Variants in POLE observed in about 807,000 individuals in gnomAD.
The protein encoded by POLE is DNA polymerase epsilon catalytic subunit A.
In POLE, 188 loss-of-function variants were observed where a neutral mutation model predicts 279.2. That is an observed-to-expected ratio of 0.67 (90% CI 0.60 to 0.76). The LOEUF (loss-of-function observed/expected upper bound fraction) is 0.76, where lower values mean the gene tolerates loss of function less well. POLE is among the 30% of genes least tolerant of loss of function. POLE has a pLI of 0.00. For missense variants in POLE, 2,703 were observed against 3,016.7 expected, an observed-to-expected ratio of 0.90 and a Z score of 2.44; for synonymous variants, 1,214 against 1,172.5, an observed-to-expected ratio of 1.04 and a Z score of -0.72.
Position 132,672,296 on chromosome 12 carries a change from C to T in POLE, c.1713G>A (p.Leu571=), listed in dbSNP as rs1555228141. 1 of 1,614,212 alleles carries T rather than the reference C, an allele frequency of 6.2e-7. No individual in the cohort carries two copies. The highest frequency in any genetic ancestry group is 8.5e-7 in the Non-Finnish European group (1 of 1,180,014). Residue 571 remains leucine, a synonymous_variant, in exon 16 of 49, where the codon CTG becomes CTA. Transcript: ENST00000320574. ...GGCGCAAGGTCTTCTCAACCCGCTG[C>T]AGCAGGAAGTCAAAGGCGGCAGGAT... The part of the protein sequence containing the change: ...RMNPAAFDFL[L]QRVEKTLRHA...
chr12:132,672,862 C>T (rs749750533), intron 14 of POLE, 23 bp from the exon 15 acceptor site: 7 of 1,601,506 alleles, frequency 4.4e-6, no homozygotes, highest in African/African-American at 1.3e-5. Flanking sequence ...CCAAGGCTTC[C>T]AGCCAAAAGC....
In POLE at chr12:132,643,309, AGGTAGATAT is replaced by A. The variant is rs1377368594; in HGVS notation, c.4457_4465del (p.His1486_Tyr1488del). ...TTTGTGGGCCTGTGCGTGGTGGTAC[AGGTAGATAT>A]GGCGGATACTCCCTGGAGAAGGAAA... On this transcript the variant is annotated inframe_deletion, in exon 35 of 49. Coordinates refer to ENST00000320574, the MANE Select transcript of POLE (RefSeq NM_006231.4). 6.2e-7 allele frequency: 1 copy of A among 1,613,934 alleles called. No individual in the cohort carries two copies. The highest frequency in any genetic ancestry group is 1.3e-5 in the African/African-American group (1 of 74,958).
Position 132,641,661 on chromosome 12 carries a change from G to A in POLE, c.5364C>T (p.Cys1788=), listed in dbSNP as rs5744955. The part of the protein sequence containing the change: ...APASYDETAL[C]SNTFRILKSM... The stretch of plus-strand genomic sequence containing the variant: ...GAGGGTGGCACCTGAAGGTGTTAGA[G>A]CACAGGGCTGTCTCATCGTAGCTGG... Residue 1788 remains cysteine (C), a synonymous_variant, in exon 39 of 49, where the codon TGC becomes TGT. Coordinates refer to ENST00000320574, the MANE Select transcript of POLE (RefSeq NM_006231.4). 36 of 1,613,912 alleles carry A rather than the reference G, an allele frequency of 2.2e-5. No homozygotes were observed. The South Asian group carries it at 3.6e-4, about 16-fold the overall frequency.
rs375256819 is a variant in POLE, at chr12:132,626,141, C to T, written c.6507G>A (p.Leu2169=). Residue 2169 remains leucine (L), a synonymous_variant, in exon 46 of 49, where the codon CTG becomes CTA. Transcript: ENST00000320574. ...CCTCTGAGAAGGAAGAGTCTTTACA[C>T]AGGTCCAGGTCGCGGCAGAAGTTAC... ...RSCNFCRDLD[L]CKDSSFSEDG... The T allele has an allele frequency of 3.5e-5, 57 of 1,605,876 alleles. No homozygotes were observed. The highest frequency in any genetic ancestry group is 4.8e-5 in the Non-Finnish European group (56 of 1,176,304).
intron 26 of POLE, chr12:132,658,282 C>A: frequency 3.4e-6 from 1 of 289,938 alleles, no homozygotes; most frequent in South Asian, 3.8e-5. Flanking sequence ...CATTGAGTAA[C>A]CACGTGCATG....
rs2042146160 is a variant in POLE, at chr12:132,641,702, C to T, written c.5323G>A (p.Ala1775Thr). 6.2e-7 allele frequency: 1 copy of T among 1,613,746 alleles called. No individual in the cohort carries two copies. Among genetic ancestry groups the T allele is most frequent in the Non-Finnish European group, 8.5e-7 (1 of 1,180,026 alleles). ...SLEDMITGGQAASAPASYDET... is the reference protein window; with the variant it reads ...SLEDMITGGQTASAPASYDET... ...TCGTAGCTGGCCGGGGCACTGGCAG[C>T]CTGACCACCCGTGATCATGTCCTCC... The change falls in exon 39 of 49, where the codon GCT (alanine) becomes ACT (threonine). Residue 1775 changes from alanine (A) to threonine (T), a missense_variant. Ala to Thr is a moderately conservative substitution (Grantham distance 58, BLOSUM62 0). Coordinates refer to ENST00000320574, the MANE Select transcript of POLE (RefSeq NM_006231.4).
rs4883555 is a variant in POLE, at chr12:132,673,532, C to T, written c.1359+43G>A. On this transcript the variant is annotated intron_variant, in intron 13 of 48. Coordinates refer to ENST00000320574, the MANE Select transcript of POLE (RefSeq NM_006231.4). ...GGGCTGCTCCGTGGCCATCTGGATGCGTGCACACGGCAGCAGGGGCAGCCG... is the reference window on the plus strand; with the variant it reads ...GGGCTGCTCCGTGGCCATCTGGATGTGTGCACACGGCAGCAGGGGCAGCCG... 735,611 of 1,600,614 alleles carry T rather than the reference C, an allele frequency of 0.46. 172,984 individuals carry two copies. Among genetic ancestry groups the T allele is most frequent in the East Asian group, 0.7 (31,224 of 44,760 alleles).
chr12:132,643,083 C>T lies in POLE; in HGVS notation c.4552-87G>A, dbSNP rs5744945. 2.6e-3 allele frequency: 3,860 copies of T among 1,479,128 alleles called. 101 individuals carry two copies. The African/African-American group carries it at 0.045, about 17-fold the overall frequency. 91.6% of individuals were successfully genotyped at this position (1,479,128 alleles called of 1,614,324 possible). On this transcript the variant is annotated intron_variant, in intron 35 of 48. Coordinates refer to ENST00000320574, the MANE Select transcript of POLE (RefSeq NM_006231.4). ...GGCAGACTCCACCACTGCCACGGCACTGCCAATTCAATCACGACAAGCACT... is the reference window on the plus strand; with the variant it reads ...GGCAGACTCCACCACTGCCACGGCATTGCCAATTCAATCACGACAAGCACT...
chr12:132,643,740 C>G, intron 33 of POLE, 97 bp downstream of exon 33: 1 of 1,483,454 alleles, frequency 6.7e-7, no homozygotes. Flanking sequence ...TCCACTGTCG[C>G]TGCTGTTCCC....
At chr12:132,648,517 A>C (rs1385144458) in intron 32 of POLE, 1 of 157,960 alleles carries the variant, frequency 6.3e-6, no homozygotes, top group Non-Finnish European at 1.4e-5. Context: ...AAGAAAAAAA[A>C]AGAAAATGTC....
At chr12:132,625,124 C>T (rs1389929344) in intron 47 of POLE, 130 bp from the exon 48 acceptor site, 23 of 720,802 alleles carry the variant, frequency 3.2e-5, no homozygotes, top group Non-Finnish European at 4.9e-5. Context: ...TGTGTGCAGC[C>T]AGCCCTCGGT....
At chr12:132,655,175 T>G (rs1219884227) in intron 29 of POLE, among the ~76,000 whole-genome samples, 1 of 152,394 alleles carries the variant, frequency 6.6e-6, no homozygotes, top group Non-Finnish European at 1.5e-5. Context: ...TCTTTACTAA[T>G]ACATGCATTT....
Position 132,687,194 on chromosome 12 carries a change from G to A in POLE, c.62+60C>T, listed in dbSNP as rs1286313407. Reference sequence around the variant, plus strand: ...TCCCGCCTCGGCGGCGCCAGCCGAGGACGGCCCCATGGCACCCTCCGGAGG... The same window carrying A: ...TCCCGCCTCGGCGGCGCCAGCCGAGAACGGCCCCATGGCACCCTCCGGAGG... On this transcript the variant is annotated intron_variant, in intron 1 of 48. Transcript: ENST00000320574. The A allele has an allele frequency of 6.0e-6, 7 of 1,166,176 alleles. No homozygotes were observed. The South Asian group carries it at 6.1e-5, about 10-fold the overall frequency. 72.2% of individuals were successfully genotyped at this position (1,166,176 alleles called of 1,614,324 possible). A position where few individuals can be genotyped will look rare whatever the true frequency, so the allele number is the denominator to read the frequency against.
At chr12:132,672,602 T>C in intron 15 of POLE, 25 bp downstream of exon 15, 2 of 1,609,158 alleles carry the variant, frequency 1.2e-6, no homozygotes, top group Non-Finnish European at 1.7e-6. Context: ...GTGGGAAGAA[T>C]CTGAATCCCA....
rs370334991 is a variant in POLE, at chr12:132,668,624, C to T, written c.2026+11G>A. 1 of 1,606,874 alleles carries T rather than the reference C, an allele frequency of 6.2e-7. No homozygotes were observed. Among genetic ancestry groups the T allele is most frequent in the Non-Finnish European group, 8.5e-7 (1 of 1,174,064 alleles). On this transcript the variant is annotated intron_variant, in intron 18 of 48. Coordinates refer to ENST00000320574, the MANE Select transcript of POLE (RefSeq NM_006231.4). This position sits in a 1 kb window ranked among gnomAD's most constrained non-coding sequence, Gnocchi z 4.0. Reference sequence around the variant, plus strand: ...TCCCACCGAGTGCCCACCCAGGCGGCCGACACTCACTGAACTCGCCCCTCC... The same window carrying T: ...TCCCACCGAGTGCCCACCCAGGCGGTCGACACTCACTGAACTCGCCCCTCC...
rs2138557753 is a variant in POLE at position 132,643,821 on chromosome 12, G to A, written c.4290+16C>T. 1 of 1,610,828 alleles carries A rather than the reference G, an allele frequency of 6.2e-7. No homozygotes were observed. Among genetic ancestry groups the A allele is most frequent in the South Asian group, 1.1e-5 (1 of 90,920 alleles). ...GGAGCCTCCCCCAGTTCAGTCGAGG[G>A]TGGCTGGGGAGTCACCTGAGTCTCA... On this transcript the variant is annotated intron_variant, in intron 33 of 48. Coordinates refer to ENST00000320574, the MANE Select transcript of POLE (RefSeq NM_006231.4).
chr12:132,631,908 C>T (rs5745033), intron 45 of POLE, among the ~76,000 whole-genome samples: 7,573 of 152,298 alleles, frequency 0.05, 273 homozygotes, highest in Admixed American at 0.13. Context: ...CGCCTCTGAA[C>T]GGCCCTCTCC....
intron 39 of POLE, 90 bp downstream of exon 39, chr12:132,641,557 T>A (rs1160605236): frequency 9.0e-7 from 1 of 1,109,444 alleles, no homozygotes; most frequent in African/African-American, 1.5e-5. Context: ...GGAAGCCCAA[T>A]GGACCCTGTC....
chr12:132,642,463 C>G, intron 37 of POLE, 43 bp downstream of exon 37: 1 of 1,602,468 alleles, frequency 6.2e-7, no homozygotes, highest in Non-Finnish European at 8.5e-7. Flanking sequence ...GAGGCCGGCT[C>G]TGCCTGGGGA....
Sources: gnomAD v4.1 joint callset for allele counts (sites outside exome capture counted in the v4.1 genomes callset) on GRCh38, gnomAD v4.1.1 for gene constraint, Gnocchi (gnomAD v3.1) non-coding constraint, MANE v1.5 for transcripts, NCBI Gene and HGNC (gene_info 2026-07-23, HGNC 2026-07-21) for gene names.